MPPED2: variants seen among roughly 807,000 people sequenced by gnomAD.
The protein encoded by MPPED2 is metallophosphoesterase MPPED2.
MPPED2 carries 5 observed loss-of-function variants against 33.0 expected under a neutral mutation model. The observed-to-expected ratio is 0.15, with a 90% CI of 0.08 to 0.32. The LOEUF is 0.32. MPPED2 is among the 10% of genes least tolerant of loss of function. MPPED2 has a pLI of 1.00. For missense variants in MPPED2, 275 were observed against 372.1 expected, an observed-to-expected ratio of 0.74 and a Z score of 2.15; for synonymous variants, 136 against 141.9, an observed-to-expected ratio of 0.96 and a Z score of 0.29.
chr11:30,550,054 G>A (rs1223165463), intron 2 of MPPED2, among the ~76,000 whole-genome samples: 1 of 152,100 alleles, frequency 6.6e-6, no homozygotes, highest in Non-Finnish European at 1.5e-5. Flanking sequence ...TGAAGACAGT[G>A]CTAATGACTC....
chr11:30,568,660 G>T (rs1956556771), intron 2 of MPPED2, among the ~76,000 whole-genome samples: 1 of 152,182 alleles, frequency 6.6e-6, no homozygotes, highest in Non-Finnish European at 1.5e-5. Flanking sequence ...AAAAGTGGCT[G>T]AAGGGAACAG....
rs536871103 is a variant in MPPED2, at chr11:30,478,060, T to C, written c.536+17236A>G. The stretch of plus-strand genomic sequence containing the variant: ...GTCTGTCAGAATTTTAGCCATATCA[T>C]GAAACCGTTTTACTAAACTGTGGCT... On this transcript the variant is annotated intron_variant, in intron 4 of 6. Coordinates refer to ENST00000358117, the MANE Select transcript of MPPED2 (RefSeq NM_001584.3). 3.3e-5 allele frequency among the ~76,000 whole-genome samples: 5 copies of C among 152,218 alleles called. No individual in the cohort carries two copies. In the South Asian group the frequency reaches 8.3e-4, roughly 25 times the overall value.
chr11:30,541,981 T>C (rs950389290), intron 2 of MPPED2, among the ~76,000 whole-genome samples: 1 of 152,206 alleles, frequency 6.6e-6, no homozygotes, highest in African/African-American at 2.4e-5. Flanking sequence ...GCTAAACTTA[T>C]ATTTGTGATG....
intron 3 of MPPED2, chr11:30,504,635 A>G (rs146105733): frequency 3.9e-6 from 2 of 512,498 alleles, no homozygotes; most frequent in African/African-American, 4.0e-5. Flanking sequence ...AAACCACCAG[A>G]AACATTCAGT....
Position 30,495,415 on chromosome 11 carries a change from G to C in MPPED2, c.417C>G (p.Pro139=). ...DLVKQDYYRF[P]SVSKLKPEDF... ...CCTCTGGTTTCAATTTGGACACAGA[G>C]GGGAAACGGTAGTAGTCCTGTTTAA... Residue 139 remains proline (P), a synonymous_variant, in exon 4 of 7, where the codon CCC becomes CCG. Coordinates refer to ENST00000358117, the MANE Select transcript of MPPED2 (RefSeq NM_001584.3). 1 of 1,614,026 alleles carries C rather than the reference G, an allele frequency of 6.2e-7. No individual in the cohort carries two copies. Among genetic ancestry groups the C allele is most frequent in the Non-Finnish European group, 8.5e-7 (1 of 1,179,898 alleles).
At chr11:30,568,684 A>C (rs998879785) in intron 2 of MPPED2, among the ~76,000 whole-genome samples, 2 of 152,228 alleles carry the variant, frequency 1.3e-5, no homozygotes, top group African/African-American at 4.8e-5. Flanking sequence ...CTAGCATACA[A>C]AAAACGCAAT....
chr11:30,515,256 G>A (rs80326012), intron 3 of MPPED2, among the ~76,000 whole-genome samples: 2,982 of 152,224 alleles, frequency 0.02, 107 homozygotes, highest in African/African-American at 0.068. Context: ...TAGGATAATA[G>A]GAGTATGCAG....
At chr11:30,390,454 A>G (rs1254310159) in intron 6 of MPPED2, among the ~76,000 whole-genome samples, 1 of 152,236 alleles carries the variant, frequency 6.6e-6, no homozygotes, top group East Asian at 1.9e-4. Flanking sequence ...TATGTTGGCC[A>G]AAGTATAAAA....
intron 2 of MPPED2, among the ~76,000 whole-genome samples, chr11:30,550,152 C>T (rs572758829): frequency 6.6e-6 from 1 of 152,140 alleles, no homozygotes; most frequent in African/African-American, 2.4e-5. Flanking sequence ...CTGGGGCTGG[C>T]GCTGTTCCGT....
chr11:30,456,408 A>G (rs1483239391), intron 4 of MPPED2, among the ~76,000 whole-genome samples: 1 of 152,208 alleles, frequency 6.6e-6, no homozygotes, highest in African/African-American at 2.4e-5. Context: ...ACCAACAAAA[A>G]TCAATCTTGA....
intron 4 of MPPED2, among the ~76,000 whole-genome samples, chr11:30,494,538 G>A (rs1952143451): frequency 6.6e-6 from 1 of 151,974 alleles, no homozygotes; most frequent in African/African-American, 2.4e-5. Context: ...AGGAGTTCAA[G>A]ACCAGCCTGG....
chr11:30,569,190 C>A (rs1437988218), intron 2 of MPPED2, among the ~76,000 whole-genome samples: 4 of 151,942 alleles, frequency 2.6e-5, no homozygotes, highest in Non-Finnish European at 5.9e-5. Flanking sequence ...AGCCATCCAC[C>A]ACCACCGAGG....
intron 2 of MPPED2, among the ~76,000 whole-genome samples, chr11:30,557,136 G>A (rs1417640797): frequency 6.6e-6 from 1 of 150,940 alleles, no homozygotes; most frequent in Non-Finnish European, 1.5e-5. Flanking sequence ...GCTAGATTCA[G>A]TTTGTTTGTG....
At chr11:30,519,562 G>GAT (rs908851200) in intron 3 of MPPED2, among the ~76,000 whole-genome samples, 16 of 151,730 alleles carry the variant, frequency 1.1e-4, no homozygotes, top group Admixed American at 5.9e-4. Flanking sequence ...ATGTTAAGGA[G>GAT]ATATATATAT....
intron 2 of MPPED2, among the ~76,000 whole-genome samples, chr11:30,552,801 C>T (rs1056071327): frequency 6.6e-6 from 1 of 152,160 alleles, no homozygotes; most frequent in Non-Finnish European, 1.5e-5. Context: ...GATTTCTAGA[C>T]ACACAGCCCT....
intron 1 of MPPED2, among the ~76,000 whole-genome samples, chr11:30,582,592 G>C (rs921618067): frequency 7.2e-5 from 11 of 152,154 alleles, no homozygotes; most frequent in Non-Finnish European, 1.2e-4. Flanking sequence ...ATGTGGCCTA[G>C]AAATAAAATA....
chr11:30,419,950 T>G (rs1000508267), intron 4 of MPPED2, among the ~76,000 whole-genome samples: 2 of 152,226 alleles, frequency 1.3e-5, no homozygotes, highest in Non-Finnish European at 2.9e-5. Flanking sequence ...CTTGTTCTTT[T>G]TATTAACTTT....
At chr11:30,531,271 C>T (rs1954509240) in intron 3 of MPPED2, among the ~76,000 whole-genome samples, 1 of 152,184 alleles carries the variant, frequency 6.6e-6, no homozygotes, top group East Asian at 1.9e-4. Context: ...CCCTCTGACC[C>T]TAGACTAGAT....
chr11:30,468,268 T>A (rs201150782), intron 4 of MPPED2, among the ~76,000 whole-genome samples: 30,379 of 149,944 alleles, frequency 0.2, 3,643 homozygotes, highest in Middle Eastern at 0.29. Context: ...TCTCTCTCTC[T>A]CTCTCTCTCT....
Sources: gnomAD v4.1 joint callset for allele counts (sites outside exome capture counted in the v4.1 genomes callset) on GRCh38, gnomAD v4.1.1 for gene constraint, MANE v1.5 for transcripts, NCBI Gene and HGNC (gene_info 2026-07-23, HGNC 2026-07-21) for gene names.